KCNJ6: variants seen among roughly 807,000 people sequenced by gnomAD.
KCNJ6 encodes the protein potassium inwardly rectifying channel subfamily J member 6.
A neutral mutation model predicts 34.2 loss-of-function variants in KCNJ6; 9 were observed. That is an observed-to-expected ratio of 0.26 (90% CI 0.16 to 0.46). The LOEUF (loss-of-function observed/expected upper bound fraction) is 0.46. KCNJ6 is among the 20% of genes least tolerant of loss of function. The pLI is 1.00. For synonymous variants in KCNJ6, 196 were observed against 207.1 expected, an observed-to-expected ratio of 0.95 and a Z score of 0.46; for missense variants, 236 against 531.3, an observed-to-expected ratio of 0.44 and a Z score of 5.46.
intron 2 of KCNJ6, among the ~76,000 whole-genome samples, chr21:37,836,981 C>A (rs967384276): frequency 6.6e-6 from 1 of 152,112 alleles, no homozygotes. Context: ...AATTTTTAGA[C>A]CCCATGGACC....
intron 2 of KCNJ6, among the ~76,000 whole-genome samples, chr21:37,801,005 G>A (rs761465889): frequency 3.9e-5 from 6 of 152,164 alleles, no homozygotes; most frequent in Non-Finnish European, 8.8e-5. Context: ...ATAAGGGAGA[G>A]GGGGACTCGT....
At chr21:37,736,475 CA>C (rs765764096) in intron 2 of KCNJ6, among the ~76,000 whole-genome samples, 1 of 152,174 alleles carries the variant, frequency 6.6e-6, no homozygotes, top group Non-Finnish European at 1.5e-5. Flanking sequence ...CTCTGAAATG[CA>C]CTCTTGTAAA....
At chr21:37,657,794 C>T (rs1439135156) in intron 3 of KCNJ6, among the ~76,000 whole-genome samples, 1 of 152,232 alleles carries the variant, frequency 6.6e-6, no homozygotes, top group African/African-American at 2.4e-5. Context: ...AACTGACCCG[C>T]CCAGGCCACC....
intron 1 of KCNJ6, among the ~76,000 whole-genome samples, chr21:37,892,291 A>G (rs762651771): frequency 7.2e-5 from 11 of 152,242 alleles, no homozygotes; most frequent in Non-Finnish European, 1.6e-4. Flanking sequence ...CCCTGGGCAC[A>G]GCCATTTCTT....
At chr21:37,776,103 C>T (rs1429983158) in intron 2 of KCNJ6, among the ~76,000 whole-genome samples, 1 of 152,154 alleles carries the variant, frequency 6.6e-6, no homozygotes, top group African/African-American at 2.4e-5. Context: ...ATTTTATTCT[C>T]TTTGAAGCAA....
intron 3 of KCNJ6, among the ~76,000 whole-genome samples, chr21:37,701,078 A>G (rs887849543): frequency 1.3e-5 from 2 of 152,162 alleles, no homozygotes. Context: ...AGCCACCCCA[A>G]TGGAGATGCC....
chr21:37,782,093 T>C (rs190116165), intron 2 of KCNJ6, among the ~76,000 whole-genome samples: 1 of 151,894 alleles, frequency 6.6e-6, no homozygotes, highest in East Asian at 1.9e-4. Flanking sequence ...GCAGGAGAGT[T>C]AGTGTCAGAG....
intron 1 of KCNJ6, among the ~76,000 whole-genome samples, chr21:37,862,342 T>A (rs1001991416): frequency 2.0e-5 from 3 of 152,246 alleles, no homozygotes; most frequent in African/African-American, 7.2e-5. Flanking sequence ...AGAAGTCTTC[T>A]ATTTTAACTT....
At chr21:37,660,899 T>G (rs772291695) in intron 3 of KCNJ6, among the ~76,000 whole-genome samples, 1 of 152,192 alleles carries the variant, frequency 6.6e-6, no homozygotes, top group Non-Finnish European at 1.5e-5. Flanking sequence ...GTTGAGAAAG[T>G]GAAAATGTGC....
At chr21:37,650,051 C>A (rs965306548) in intron 3 of KCNJ6, among the ~76,000 whole-genome samples, 1 of 152,132 alleles carries the variant, frequency 6.6e-6, no homozygotes, top group Non-Finnish European at 1.5e-5. Context: ...GTGTGAACCA[C>A]CGCGCCTGGC....
At position 37,827,217 on chromosome 21, in the gene KCNJ6, T is replaced by C. The variant is rs1292547866; in HGVS notation, c.25+13441A>G. Among the ~76,000 whole-genome samples the C allele has an allele frequency of 5.3e-5, 8 of 152,308 alleles. No individual in the cohort carries two copies. In the East Asian group the frequency reaches 7.7e-4, roughly 15 times the overall value. ...TCTCCCTGAATTCTGTGAGCTGGACTGTGTGAGTCCAGGAAGCAATCACCC... is the reference window on the plus strand; with the variant it reads ...TCTCCCTGAATTCTGTGAGCTGGACCGTGTGAGTCCAGGAAGCAATCACCC... On this transcript the variant is annotated intron_variant, in intron 2 of 3. Coordinates refer to ENST00000609713, the MANE Select transcript of KCNJ6 (RefSeq NM_002240.5).
intron 3 of KCNJ6, among the ~76,000 whole-genome samples, chr21:37,626,683 A>G (rs2054312762): frequency 6.6e-6 from 1 of 152,212 alleles, no homozygotes; most frequent in Non-Finnish European, 1.5e-5. Context: ...ACAAATTCTC[A>G]GGAAATGAAA....
At chr21:37,746,116 A>G (rs1267907682) in intron 2 of KCNJ6, among the ~76,000 whole-genome samples, 1 of 152,094 alleles carries the variant, frequency 6.6e-6, no homozygotes, top group Non-Finnish European at 1.5e-5. Flanking sequence ...TACCCTTAGG[A>G]TCCAATTACC....
chr21:37,739,664 G>T (rs1432941638), intron 2 of KCNJ6, among the ~76,000 whole-genome samples: 1 of 152,086 alleles, frequency 6.6e-6, no homozygotes, highest in East Asian at 1.9e-4. Context: ...GCAAGCTCGT[G>T]TCAGCTTTCT....
intron 2 of KCNJ6, among the ~76,000 whole-genome samples, chr21:37,839,927 T>G (rs987898670): frequency 6.6e-6 from 1 of 152,134 alleles, no homozygotes; most frequent in African/African-American, 2.4e-5. Flanking sequence ...CGAATAGCCA[T>G]AATAGGGATT....
intron 2 of KCNJ6, among the ~76,000 whole-genome samples, chr21:37,809,460 G>T (rs1384657749): frequency 1.3e-5 from 2 of 151,662 alleles, no homozygotes. Flanking sequence ...CACCAACATG[G>T]CACATGTATA....
intron 1 of KCNJ6, among the ~76,000 whole-genome samples, chr21:37,893,496 G>A (rs534092415): frequency 4.6e-5 from 7 of 152,246 alleles, no homozygotes; most frequent in South Asian, 2.1e-4. Flanking sequence ...GTGAGCCACC[G>A]TGCCCAGCCT....
At chr21:37,676,357 C>T (rs1408511581) in intron 3 of KCNJ6, among the ~76,000 whole-genome samples, 1 of 152,210 alleles carries the variant, frequency 6.6e-6, no homozygotes, top group African/African-American at 2.4e-5. Flanking sequence ...TAAGCTCCAT[C>T]TATTAGTGCA....
Position 37,613,038 on chromosome 21 carries a change from A to G in KCNJ6, c.*12121T>C, listed in dbSNP as rs1321648397. 6.6e-6 allele frequency: 1 copy of G among 152,220 alleles called. No individual in the cohort carries two copies. The allele number at this position is 152,220 out of a possible 1,614,324, so 9.4% of individuals were successfully genotyped here. On this transcript the variant is annotated 3_prime_UTR_variant, in exon 4 of 4. Transcript: ENST00000609713. ...CTGGGAGAAAATATTTACAGAAGAC[A>G]CATCTGATAAAGAATTATTATCTAA...
Sources: allele counts gnomAD v4.1 joint callset (sites outside exome capture counted in the v4.1 genomes callset), GRCh38; gene constraint gnomAD v4.1.1; transcripts MANE v1.5; gene names NCBI Gene and HGNC (gene_info 2026-07-23, HGNC 2026-07-21).